Variants in TYW1B observed in about 807,000 individuals in gnomAD.
The protein encoded by TYW1B is S-adenosyl-L-methionine-dependent tRNA 4-demethylwyosine synthase TYW1B.
In TYW1B, 73 loss-of-function variants were observed where a neutral mutation model predicts 86.9. That is an observed-to-expected ratio of 0.84 (90% CI 0.70 to 1.02). The LOEUF (loss-of-function observed/expected upper bound fraction) is 1.02, where lower values mean the gene tolerates loss of function less well. TYW1B is among the 50% of genes least tolerant of loss of function. The pLI is 0.00. For synonymous variants in TYW1B, 248 were observed against 292.8 expected, an observed-to-expected ratio of 0.85 and a Z score of 1.56; for missense variants, 637 against 827.4, an observed-to-expected ratio of 0.77 and a Z score of 2.82.
intron 13 of TYW1B, among the ~76,000 whole-genome samples, chr7:72,589,259 C>T (rs182316284): frequency 6.6e-6 from 1 of 152,280 alleles, no homozygotes; most frequent in Non-Finnish European, 1.5e-5. Flanking sequence ...TTACTGGTTG[C>T]TGAATTTATC....
intron 12 of TYW1B, among the ~76,000 whole-genome samples, chr7:72,623,100 A>T (rs1288544247): frequency 7.9e-5 from 12 of 152,206 alleles, no homozygotes; most frequent in African/African-American, 2.9e-4. Flanking sequence ...AAGAAGTTGA[A>T]TTGGGTGATA....
chr7:72,798,126 G>A (rs752681591), intron 6 of TYW1B, among the ~76,000 whole-genome samples: 5 of 151,914 alleles, frequency 3.3e-5, no homozygotes, highest in East Asian at 1.9e-4. Flanking sequence ...TCAGCCGGCC[G>A]GGCGCGGTGG....
intron 10 of TYW1B, among the ~76,000 whole-genome samples, chr7:72,695,835 A>G (rs371903343): frequency 2.0e-5 from 3 of 151,700 alleles, no homozygotes; most frequent in Non-Finnish European, 4.4e-5. Flanking sequence ...GGCTCAAGCG[A>G]TCCACCCACC....
intron 7 of TYW1B, among the ~76,000 whole-genome samples, chr7:72,767,354 A>C (rs35950586): frequency 0.69 from 103,948 of 151,598 alleles, 36,537 homozygotes; most frequent in Non-Finnish European, 0.77. Flanking sequence ...CATCTGTAAT[A>C]CCAGCACTTT....
chr7:72,593,648 C>T (rs1811454252), intron 13 of TYW1B, among the ~76,000 whole-genome samples: 1 of 151,678 alleles, frequency 6.6e-6, no homozygotes. Flanking sequence ...CAGTGAAACC[C>T]CGTCTTTACT....
intron 8 of TYW1B, among the ~76,000 whole-genome samples, chr7:72,733,608 C>G (rs1406291067): frequency 1.3e-5 from 2 of 152,210 alleles, no homozygotes; most frequent in East Asian, 1.9e-4. Flanking sequence ...TTGCAGTGAA[C>G]TGAGATTGTG....
chr7:72,734,506 T>C (rs536493161), intron 8 of TYW1B, among the ~76,000 whole-genome samples: 45 of 152,144 alleles, frequency 3.0e-4, no homozygotes, highest in Non-Finnish European at 5.9e-4. Context: ...AATTACCTAC[T>C]GTGAAAACAC....
At chr7:72,709,601 G>A (rs545879740) in intron 10 of TYW1B, among the ~76,000 whole-genome samples, 1 of 152,272 alleles carries the variant, frequency 6.6e-6, no homozygotes, top group Admixed American at 6.5e-5. Context: ...CCTGGAGGCG[G>A]AGCTTGTAGT....
intron 9 of TYW1B, among the ~76,000 whole-genome samples, chr7:72,728,513 G>A (rs1554459174): frequency 6.6e-6 from 1 of 152,088 alleles, no homozygotes; most frequent in Non-Finnish European, 1.5e-5. Flanking sequence ...CACCATGTTA[G>A]CCAGGCTCAT....
intron 6 of TYW1B, among the ~76,000 whole-genome samples, chr7:72,785,969 C>T (rs571720254): frequency 9.2e-5 from 14 of 152,020 alleles, no homozygotes; most frequent in African/African-American, 3.1e-4. Flanking sequence ...AAAAATTAGC[C>T]GGGCGTGGTG....
At chr7:72,687,245 G>A (rs564486386) in intron 11 of TYW1B, among the ~76,000 whole-genome samples, 4 of 152,266 alleles carry the variant, frequency 2.6e-5, no homozygotes, top group African/African-American at 9.6e-5. Context: ...AGATCAGCCT[G>A]ACCAAACTGG....
chr7:72,626,826 T>G (rs1341625585), intron 12 of TYW1B, among the ~76,000 whole-genome samples: 1 of 152,024 alleles, frequency 6.6e-6, no homozygotes, highest in Non-Finnish European at 1.5e-5. Context: ...CCTACTCTAC[T>G]GCCCTCTATA....
intron 6 of TYW1B, among the ~76,000 whole-genome samples, chr7:72,782,283 TG>T (rs1189535530): frequency 4.6e-5 from 7 of 151,966 alleles, no homozygotes; most frequent in Non-Finnish European, 8.8e-5. Context: ...AGCAAGACCC[TG>T]TCTCTAAAAA....
chr7:72,770,953 C>CTTTT (rs202136569), intron 7 of TYW1B, among the ~76,000 whole-genome samples: 3 of 87,482 alleles, frequency 3.4e-5, no homozygotes, highest in African/African-American at 1.4e-4. Flanking sequence ...TATGAATTTC[C>CTTTT]TTTTTTTTTT....
chr7:72,708,332 T>C (rs1814660644), intron 10 of TYW1B, among the ~76,000 whole-genome samples: 1 of 152,112 alleles, frequency 6.6e-6, no homozygotes, highest in Admixed American at 6.6e-5. Context: ...AACTAAAAAA[T>C]ACATAAGCCA....
chr7:72,583,664 TC>T (rs146753108), intron 13 of TYW1B, among the ~76,000 whole-genome samples: 17,151 of 118,750 alleles, frequency 0.14, no homozygotes, highest in African/African-American at 0.2. Flanking sequence ...AAAAAGCACA[TC>T]AACAACCTCA....
At chr7:72,586,515 T>C (rs1811280572) in intron 13 of TYW1B, among the ~76,000 whole-genome samples, 1 of 152,058 alleles carries the variant, frequency 6.6e-6, no homozygotes, top group Non-Finnish European at 1.5e-5. Context: ...GGTGGGAGGA[T>C]CACCTGAGGT....
chr7:72,698,410 T>A (rs577777699), intron 10 of TYW1B, among the ~76,000 whole-genome samples: 10 of 152,102 alleles, frequency 6.6e-5, no homozygotes, highest in African/African-American at 2.4e-4. Flanking sequence ...TTTGGGAGGC[T>A]GAGGCAGGAG....
chr7:72,704,985 T>C (rs560549095), intron 10 of TYW1B, among the ~76,000 whole-genome samples: 1 of 152,260 alleles, frequency 6.6e-6, no homozygotes, highest in East Asian at 1.9e-4. Flanking sequence ...TTAAACTTCA[T>C]ATGTTTAGTG....
Sources: gnomAD v4.1 joint callset for allele counts (sites outside exome capture counted in the v4.1 genomes callset) on GRCh38, gnomAD v4.1.1 for gene constraint, MANE v1.5 for transcripts, NCBI Gene and HGNC (gene_info 2026-07-23, HGNC 2026-07-21) for gene names.